The following WWOX variants were observed in gnomAD, a reference collection of about 807,000 sequenced individuals.
WWOX encodes the protein WW domain containing oxidoreductase, also known as WW domain-containing oxidoreductase.
Under a neutral mutation model 46.2 loss-of-function variants are expected in WWOX, and 69 were observed. The ratio of observed to expected loss-of-function variants is 1.49; its 90% CI spans 1.23 to 1.82. The LOEUF (loss-of-function observed/expected upper bound fraction) is 1.82, where lower values mean the gene tolerates loss of function less well. Among genes scored for constraint, WWOX ranks in the 40% most tolerant of loss-of-function variants. The probability of loss-of-function intolerance (pLI) is 0.00; values close to 1 mark genes in which losing one functional copy is unlikely to be tolerated. For missense variants in WWOX, 919 were observed against 542.6 expected (o/e 1.69, Z -6.89); for synonymous variants, 359 against 202.6 (o/e 1.77, Z -6.56).
chr16:78,633,668 G>C (rs187089108), intron 8 of WWOX, among the ~76,000 whole-genome samples: 1 of 152,144 alleles, frequency 6.6e-6, no homozygotes, highest in South Asian at 2.1e-4. Context: ...AAAGCAACTT[G>C]TGCTACCTCC....
At chr16:78,704,907 T>A (rs1029692639) in intron 8 of WWOX, among the ~76,000 whole-genome samples, 1 of 139,002 alleles carries the variant, frequency 7.2e-6, no homozygotes, top group East Asian at 2.1e-4. Flanking sequence ...CTTCTTCCTC[T>A]AAAATACAAC....
intron 5 of WWOX, among the ~76,000 whole-genome samples, chr16:78,213,604 AG>A (rs1303737706): frequency 6.6e-6 from 1 of 151,824 alleles, no homozygotes; most frequent in African/African-American, 2.4e-5. Context: ...TGTGGGGGAG[AG>A]GGTGGAAAAG....
intron 8 of WWOX, among the ~76,000 whole-genome samples, chr16:78,709,234 C>A (rs943700827): frequency 8.5e-5 from 13 of 152,180 alleles, no homozygotes; most frequent in African/African-American, 3.1e-4. Flanking sequence ...CCTGTTAACA[C>A]AATGCTTTTA....
At chr16:78,949,950 C>G (rs1396344094) in intron 8 of WWOX, among the ~76,000 whole-genome samples, 13 of 152,166 alleles carry the variant, frequency 8.5e-5, no homozygotes, top group Admixed American at 3.9e-4. Context: ...ATGTGAAGCA[C>G]TTTTCATGCA....
chr16:79,145,534 A>C (rs1567580575), intron 8 of WWOX, among the ~76,000 whole-genome samples: 1 of 152,202 alleles, frequency 6.6e-6, no homozygotes, highest in Non-Finnish European at 1.5e-5. Context: ...AAAATCGTGA[A>C]ATGTTTTCCA....
chr16:78,522,511 A>T (rs2043371333), intron 8 of WWOX, among the ~76,000 whole-genome samples: 1 of 152,154 alleles, frequency 6.6e-6, no homozygotes, highest in Non-Finnish European at 1.5e-5. Flanking sequence ...TCTTCTTCAG[A>T]AGCTGTCATA....
chr16:78,426,719 A>C (rs906753627), intron 7 of WWOX, among the ~76,000 whole-genome samples: 1 of 152,172 alleles, frequency 6.6e-6, no homozygotes, highest in Admixed American at 6.5e-5. Flanking sequence ...GCTGCAGTGC[A>C]GTGGCATGAT....
chr16:78,461,558 T>C (rs1798453823), intron 8 of WWOX, among the ~76,000 whole-genome samples: 1 of 152,216 alleles, frequency 6.6e-6, no homozygotes, highest in Admixed American at 6.5e-5. Context: ...CATGTGTGTA[T>C]GTCTAACCCA....
intron 8 of WWOX, among the ~76,000 whole-genome samples, chr16:78,989,981 G>C (rs1044576244): frequency 6.6e-6 from 1 of 151,762 alleles, no homozygotes; most frequent in Admixed American, 6.6e-5. Context: ...TCACGAGTTC[G>C]AGGCTAGCCT....
intron 8 of WWOX, among the ~76,000 whole-genome samples, chr16:78,442,495 C>T (rs1484826524): frequency 6.6e-6 from 1 of 152,134 alleles, no homozygotes; most frequent in Non-Finnish European, 1.5e-5. Context: ...CTACTCTCTG[C>T]TTCTGTGAGT....
At chr16:78,561,767 G>A (rs924015786) in intron 8 of WWOX, among the ~76,000 whole-genome samples, 2 of 152,198 alleles carry the variant, frequency 1.3e-5, no homozygotes, top group African/African-American at 4.8e-5. Context: ...GGCTTCACCT[G>A]TGAGCCGAGC....
intron 8 of WWOX, among the ~76,000 whole-genome samples, chr16:78,463,621 A>G (rs1202010741): frequency 1.3e-5 from 2 of 152,196 alleles, no homozygotes; most frequent in Non-Finnish European, 2.9e-5. Context: ...GCATCTTACG[A>G]ATCTGGCACA....
chr16:78,183,159 T>A (rs958445319), intron 5 of WWOX, among the ~76,000 whole-genome samples: 1 of 152,130 alleles, frequency 6.6e-6, no homozygotes, highest in African/African-American at 2.4e-5. Context: ...TCAGCACATA[T>A]AGGTATGCGA....
intron 8 of WWOX, chr16:79,004,655 T>G (rs900914308): frequency 6.6e-6 from 1 of 152,298 alleles, no homozygotes; most frequent in Non-Finnish European, 1.5e-5. Flanking sequence ...CCAACTCCTG[T>G]TTATACTGGT....
At chr16:79,155,027 C>A (rs994088270) in intron 8 of WWOX, among the ~76,000 whole-genome samples, 1 of 152,174 alleles carries the variant, frequency 6.6e-6, no homozygotes, top group African/African-American at 2.4e-5. Context: ...GTGCCTTCAC[C>A]CAGACTTAGG....
At chr16:79,155,846 G>C (rs893419390) in intron 8 of WWOX, among the ~76,000 whole-genome samples, 1 of 151,432 alleles carries the variant, frequency 6.6e-6, no homozygotes. Flanking sequence ...GGTTTATAGA[G>C]GACTAATACA....
At chr16:79,099,135 G>C (rs1263136325) in intron 8 of WWOX, among the ~76,000 whole-genome samples, 1 of 152,084 alleles carries the variant, frequency 6.6e-6, no homozygotes, top group African/African-American at 2.4e-5. Context: ...AGCTCCCGTG[G>C]GAAATCACAG....
intron 8 of WWOX, among the ~76,000 whole-genome samples, chr16:79,191,411 A>G (rs1327682820): frequency 1.3e-5 from 2 of 152,114 alleles, no homozygotes; most frequent in East Asian, 1.9e-4. Flanking sequence ...GGACATCAGG[A>G]CATGGATTCT....
At chr16:78,908,276 A>T (rs914954471) in intron 8 of WWOX, among the ~76,000 whole-genome samples, 5 of 152,154 alleles carry the variant, frequency 3.3e-5, no homozygotes, top group Non-Finnish European at 7.3e-5. Context: ...ACGGTGGCTC[A>T]TGCCTGTAAT....
Sources: gnomAD v4.1 joint callset for allele counts (sites outside exome capture counted in the v4.1 genomes callset) on GRCh38, gnomAD v4.1.1 for gene constraint, MANE v1.5 for transcripts, NCBI Gene and HGNC (gene_info 2026-07-23, HGNC 2026-07-21) for gene names.